Variants in TNFRSF19 observed in about 807,000 individuals in gnomAD.
TNFRSF19 encodes the protein TNF receptor superfamily member 19.
Under a neutral mutation model 46.4 loss-of-function variants are expected in TNFRSF19, and 27 were observed. The observed-to-expected ratio is 0.58, with a 90% confidence interval of 0.43 to 0.80. The LOEUF is 0.80. Ranked by LOEUF, TNFRSF19 falls within the 30% of genes least tolerant of loss-of-function variation. The probability of loss-of-function intolerance (pLI) is 0.00; values close to 1 mark genes in which losing one functional copy is unlikely to be tolerated. For synonymous variants in TNFRSF19, 204 were observed against 205.0 expected (o/e 1.00, Z 0.04); for missense variants, 511 against 530.8 (o/e 0.96, Z 0.37).
chr13:23,590,357 C>A, intron 2 of TNFRSF19, 105 bp downstream of exon 2: 1 of 678,262 alleles, frequency 1.5e-6, no homozygotes, highest in Non-Finnish European at 2.3e-6. Flanking sequence ...TTTTTTGAGA[C>A]AGAGTCTTGC....
intron 5 of TNFRSF19, among the ~76,000 whole-genome samples, chr13:23,649,087 G>A (rs1883487426): frequency 6.6e-6 from 1 of 152,110 alleles, no homozygotes; most frequent in South Asian, 2.1e-4. Context: ...TGCTAGCCTT[G>A]TAGAATGAGT....
At chr13:23,591,873 C>T (rs1450173139) in intron 2 of TNFRSF19, among the ~76,000 whole-genome samples, 2 of 151,900 alleles carry the variant, frequency 1.3e-5, no homozygotes, top group East Asian at 1.9e-4. Flanking sequence ...ACTACAGGTG[C>T]GCACCACCAC....
intron 5 of TNFRSF19, among the ~76,000 whole-genome samples, chr13:23,647,252 T>C (rs1883386834): frequency 6.6e-6 from 1 of 152,242 alleles, no homozygotes; most frequent in African/African-American, 2.4e-5. Context: ...TCCTTGATGG[T>C]GTCCTTTAAA....
chr13:23,577,234 C>G (rs1878022690), intron 1 of TNFRSF19, among the ~76,000 whole-genome samples: 1 of 152,214 alleles, frequency 6.6e-6, no homozygotes, highest in South Asian at 2.1e-4. Flanking sequence ...CTGTTGTAAG[C>G]TAACAGGCTA....
chr13:23,663,095 A>G (rs1884473266), intron 7 of TNFRSF19, among the ~76,000 whole-genome samples: 2 of 152,174 alleles, frequency 1.3e-5, no homozygotes, highest in African/African-American at 4.8e-5. Flanking sequence ...GCCTTGTGCC[A>G]GTTTTCAAGG....
chr13:23,598,368 AGAAC>A (rs1195746100), intron 3 of TNFRSF19, among the ~76,000 whole-genome samples: 25 of 152,210 alleles, frequency 1.6e-4, no homozygotes, highest in African/African-American at 6.0e-4. Context: ...CATGTATCCC[AGAAC>A]TTACAGTTAT....
At chr13:23,579,430 C>T (rs1246668819) in intron 1 of TNFRSF19, 1 of 152,680 alleles carries the variant, frequency 6.5e-6, no homozygotes, top group Non-Finnish European at 1.5e-5. Flanking sequence ...GACTGGACCC[C>T]CATGCAACCC....
intron 4 of TNFRSF19, among the ~76,000 whole-genome samples, chr13:23,622,584 C>T (rs372386420): frequency 4.6e-5 from 7 of 152,124 alleles, no homozygotes; most frequent in African/African-American, 1.7e-4. Context: ...TGTTTTGTCA[C>T]AATTAGAATT....
At chr13:23,615,538 A>G (rs1316584998) in intron 3 of TNFRSF19, among the ~76,000 whole-genome samples, 15 of 152,228 alleles carry the variant, frequency 9.9e-5, no homozygotes. Context: ...GCTTCTGAGC[A>G]TGCACATGAC....
chr13:23,632,149 T>C (rs1440727540), intron 5 of TNFRSF19, among the ~76,000 whole-genome samples: 2 of 152,110 alleles, frequency 1.3e-5, no homozygotes, highest in East Asian at 3.9e-4. Flanking sequence ...AATTAAGGGC[T>C]CCATTTACTG....
At chr13:23,671,765 G>T (rs1565958607) in intron 9 of TNFRSF19, among the ~76,000 whole-genome samples, 2 of 152,210 alleles carry the variant, frequency 1.3e-5, no homozygotes, top group Non-Finnish European at 2.9e-5. Flanking sequence ...GCAGGAAGAT[G>T]ACTTGAGCCC....
At chr13:23,660,674 G>T (rs912470757) in intron 7 of TNFRSF19, among the ~76,000 whole-genome samples, 184 bp downstream of exon 7, 1 of 152,122 alleles carries the variant, frequency 6.6e-6, no homozygotes, top group African/African-American at 2.4e-5. Flanking sequence ...AGTCTCTTAA[G>T]CATTAAAAAG....
At chr13:23,605,538 A>T (rs897491032) in intron 3 of TNFRSF19, among the ~76,000 whole-genome samples, 6 of 152,226 alleles carry the variant, frequency 3.9e-5, no homozygotes, top group African/African-American at 1.2e-4. Context: ...GTTTGTTCAT[A>T]ATTATGAAGA....
intron 5 of TNFRSF19, among the ~76,000 whole-genome samples, chr13:23,658,347 T>A (rs963621408): frequency 6.6e-6 from 1 of 152,184 alleles, no homozygotes; most frequent in Non-Finnish European, 1.5e-5. Context: ...GTCACACAGG[T>A]AGAGGTTGAC....
At chr13:23,664,201 C>A (rs1951579782) in intron 7 of TNFRSF19, among the ~76,000 whole-genome samples, 1 of 152,082 alleles carries the variant, frequency 6.6e-6, no homozygotes, top group African/African-American at 2.4e-5. Flanking sequence ...AATGTTGTAT[C>A]TTTGTTCTCA....
intron 4 of TNFRSF19, among the ~76,000 whole-genome samples, chr13:23,619,928 C>T (rs1593261741): frequency 6.6e-6 from 1 of 152,174 alleles, no homozygotes; most frequent in African/African-American, 2.4e-5. Context: ...CCTGCTTCCC[C>T]GTGGTCCTTG....
intron 4 of TNFRSF19, among the ~76,000 whole-genome samples, chr13:23,620,262 T>C (rs1470862292): frequency 6.6e-6 from 1 of 152,166 alleles, no homozygotes; most frequent in Non-Finnish European, 1.5e-5. Context: ...AAAATGCATA[T>C]TGCTCCCCAA....
chr13:23,599,813 C>T (rs1373862676), intron 3 of TNFRSF19, among the ~76,000 whole-genome samples: 1 of 151,966 alleles, frequency 6.6e-6, no homozygotes, highest in South Asian at 2.1e-4. Flanking sequence ...AGGAGGGTAC[C>T]ATGAGGCATG....
chr13:23,607,745 C>G (rs1419818613), intron 3 of TNFRSF19, among the ~76,000 whole-genome samples: 1 of 152,078 alleles, frequency 6.6e-6, no homozygotes. Context: ...TTAAAGGTAT[C>G]TTAAAACTTC....
Sources: allele counts gnomAD v4.1 joint callset (sites outside exome capture counted in the v4.1 genomes callset), GRCh38; gene constraint gnomAD v4.1.1; transcripts MANE v1.5; gene names NCBI Gene and HGNC (gene_info 2026-07-23, HGNC 2026-07-21).